ARHGAP22: variants seen among roughly 807,000 people sequenced by gnomAD.
ARHGAP22 encodes Rho GTPase activating protein 22.
Under a neutral mutation model 59.1 loss-of-function variants are expected in ARHGAP22, and 48 were observed. The ratio of observed to expected loss-of-function variants is 0.81; its 90% CI spans 0.64 to 1.03. ARHGAP22 has a LOEUF of 1.03. ARHGAP22 is among the 50% of genes least tolerant of loss of function. The pLI is 0.00. For synonymous variants in ARHGAP22, 445 were observed against 416.4 expected (o/e 1.07, Z -0.84); for missense variants, 1,015 against 958.7 (o/e 1.06, Z -0.78).
At chr10:48,561,439 G>T (rs1016014291) in intron 2 of ARHGAP22, among the ~76,000 whole-genome samples, 2 of 152,092 alleles carry the variant, frequency 1.3e-5, no homozygotes, top group African/African-American at 4.8e-5. Context: ...ATTAGACAAA[G>T]AGTTCTTGGA....
intron 3 of ARHGAP22, among the ~76,000 whole-genome samples, chr10:48,518,654 G>C (rs2053527685): frequency 6.6e-6 from 1 of 152,132 alleles, no homozygotes; most frequent in Admixed American, 6.5e-5. Context: ...AACTGTCACT[G>C]CCACTGGAAC....
chr10:48,539,254 C>T (rs918410678), intron 3 of ARHGAP22, among the ~76,000 whole-genome samples: 1 of 147,500 alleles, frequency 6.8e-6, no homozygotes, highest in Non-Finnish European at 1.5e-5. Flanking sequence ...ATATTTTATT[C>T]ATGTCATCTG....
chr10:48,579,137 C>T (rs1323603028), intron 2 of ARHGAP22, among the ~76,000 whole-genome samples: 2 of 151,210 alleles, frequency 1.3e-5, no homozygotes, highest in Non-Finnish European at 2.9e-5. Flanking sequence ...GTCCCATTTG[C>T]TCAACTGATC....
intron 8 of ARHGAP22, chr10:48,451,477 C>T: frequency 2.8e-6 from 2 of 702,532 alleles, no homozygotes. Flanking sequence ...GGAACTGGAA[C>T]CTGGGACCTG....
intron 3 of ARHGAP22, among the ~76,000 whole-genome samples, chr10:48,553,921 C>A (rs988569315): frequency 6.6e-6 from 1 of 152,154 alleles, no homozygotes; most frequent in Non-Finnish European, 1.5e-5. Context: ...CCCCTGTCCC[C>A]AGAGCCAGGG....
intron 3 of ARHGAP22, among the ~76,000 whole-genome samples, chr10:48,490,896 T>C (rs2050325493): frequency 6.6e-6 from 1 of 152,202 alleles, no homozygotes; most frequent in African/African-American, 2.4e-5. Flanking sequence ...GACACATCCT[T>C]GCTCCACTCT....
At position 48,451,072 on chromosome 10, in the gene ARHGAP22, C is replaced by T. The variant is rs1262958418; in HGVS notation, c.1057G>A (p.Val353Ile). Residue 353 changes from valine (V) to isoleucine (I), a missense_variant, in exon 9 of 10, where the codon GTC becomes ATC. Physicochemically the swap from Val to Ile is conservative, Grantham distance 29. Coordinates refer to ENST00000249601, the MANE Select transcript of ARHGAP22 (RefSeq NM_021226.4). ...CGCGGGGAGGTGGGCCCTTCCGGGA[C>T]CGGTGCCGTGAAGAGCTGGCTGTGT... ...RKHSQLFTAP[V>I]PEGPTSPRGG... The T allele has an allele frequency of 1.3e-6, 2 of 1,552,548 alleles. No homozygotes were observed. Among genetic ancestry groups the T allele is most frequent in the Non-Finnish European group, 1.7e-6 (2 of 1,147,932 alleles).
At chr10:48,598,103 T>C (rs1165546081) in intron 1 of ARHGAP22, among the ~76,000 whole-genome samples, 2 of 152,238 alleles carry the variant, frequency 1.3e-5, no homozygotes, top group Non-Finnish European at 2.9e-5. Context: ...CTAGCAGCAC[T>C]GTGTGTTCTG....
At chr10:48,535,690 A>G (rs2055281828) in intron 3 of ARHGAP22, among the ~76,000 whole-genome samples, 1 of 152,242 alleles carries the variant, frequency 6.6e-6, no homozygotes, top group Admixed American at 6.5e-5. Flanking sequence ...TTGGCACCCA[A>G]GCTGGTGCGT....
chr10:48,605,189 G>T (rs1309431414), upstream of ARHGAP22: 1 of 1,096,524 alleles, frequency 9.1e-7, no homozygotes, highest in Non-Finnish European at 1.1e-6. Context: ...CGCGGGGCGC[G>T]GTCCTGGCCC....
In ARHGAP22 at chr10:48,446,608, C is replaced by A. The variant is rs1453849902; in HGVS notation, c.1880G>T (p.Gly627Val). The change falls in exon 10 of 10, where the codon GGG (glycine) becomes GTG (valine). Residue 627 changes from glycine to valine, a missense_variant. Transcript: ENST00000249601. ...CATTCGTTTTCTCAGGTCAGCACTCCCTTCTTCGATTCTGAAAAGTCAAGG... is the reference window on the plus strand; with the variant it reads ...CATTCGTTTTCTCAGGTCAGCACTCACTTCTTCGATTCTGAAAAGTCAAGG... ...YERSVKRIEE[G>V]SADLRKRMSR... is the part of the protein sequence containing the mutation. The A allele has an allele frequency of 6.2e-7, 1 of 1,613,808 alleles. No individual in the cohort carries two copies. The highest frequency in any genetic ancestry group is 8.5e-7 in the Non-Finnish European group (1 of 1,179,902).
rs542261489 is a variant in ARHGAP22, at chr10:48,464,023, G to C, written c.452-4132C>G. On this transcript the variant is annotated intron_variant, in intron 4 of 9. Coordinates refer to ENST00000249601, the MANE Select transcript of ARHGAP22 (RefSeq NM_021226.4). ...CCCAGCCATCTCTTGGCTCCAGCCC[G>C]GCCTGCTGTCCCATCTCCTACCCCC... Among the ~76,000 whole-genome samples the C allele has an allele frequency of 2.6e-5, 4 of 152,236 alleles. No homozygotes were observed. In the East Asian group the frequency reaches 7.7e-4, roughly 29 times the overall value.
chr10:48,583,712 GTTTCTGC>G (rs1308374917), intron 1 of ARHGAP22, among the ~76,000 whole-genome samples: 1 of 152,166 alleles, frequency 6.6e-6, no homozygotes, highest in African/African-American at 2.4e-5. Context: ...CCCAGATCTG[GTTTCTGC>G]TTAGCCCCTC....
intron 4 of ARHGAP22, 21 bp from the exon 5 acceptor site, chr10:48,459,912 G>A: frequency 6.2e-7 from 1 of 1,606,522 alleles, no homozygotes; most frequent in Non-Finnish European, 8.5e-7. Context: ...AGAGGAGCTA[G>A]TCACACCCTC....
At chr10:48,440,938 T>C in the ARHGAP22 span, among the ~76,000 whole-genome samples, 2 of 152,190 alleles carry the variant, frequency 1.3e-5, no homozygotes, top group Admixed American at 6.5e-5. Flanking sequence ...AGCTTAGCGT[T>C]TGGACCTGGG....
intron 1 of ARHGAP22, among the ~76,000 whole-genome samples, chr10:48,588,923 G>C (rs1016496484): frequency 2.6e-5 from 4 of 152,314 alleles, no homozygotes; most frequent in Non-Finnish European, 5.9e-5. Flanking sequence ...CCCAGGCCAG[G>C]CCTCGAAGGA....
chr10:48,470,277 T>C (rs1262594414), intron 4 of ARHGAP22, among the ~76,000 whole-genome samples: 3 of 152,202 alleles, frequency 2.0e-5, no homozygotes, highest in African/African-American at 4.8e-5. Context: ...TCCTGACCTT[T>C]GCAGGAAGCA....
At chr10:48,480,436 CTATT>C (rs986237725) in intron 3 of ARHGAP22, among the ~76,000 whole-genome samples, 3 of 152,226 alleles carry the variant, frequency 2.0e-5, no homozygotes, top group African/African-American at 4.8e-5. Context: ...ATACAAAAAA[CTATT>C]TATACTGAAC....
chr10:48,473,885 CA>C (rs2048458001), intron 4 of ARHGAP22, among the ~76,000 whole-genome samples: 1 of 152,216 alleles, frequency 6.6e-6, no homozygotes, highest in East Asian at 1.9e-4. Context: ...CATGTTCAAG[CA>C]CCCACCAGAT....
Sources: allele counts gnomAD v4.1 joint callset (sites outside exome capture counted in the v4.1 genomes callset), GRCh38; gene constraint gnomAD v4.1.1; transcripts MANE v1.5; gene names NCBI Gene and HGNC (gene_info 2026-07-23, HGNC 2026-07-21).